BLM: variants seen among roughly 807,000 people sequenced by gnomAD.
BLM encodes BLM RecQ like helicase.
A neutral mutation model predicts 135.3 loss-of-function variants in BLM; 95 were observed. That is an observed-to-expected ratio of 0.70 (90% CI 0.59 to 0.83). BLM has a LOEUF of 0.83. BLM is among the 40% of genes least tolerant of loss of function. BLM has a pLI of 0.00. For synonymous variants in BLM, 520 were observed against 589.2 expected (o/e 0.88, Z 1.70); for missense variants, 1,518 against 1,663.9 (o/e 0.91, Z 1.53).
chr15:90,749,946 T>C lies in BLM; in HGVS notation c.678T>C (p.Asp226=), dbSNP rs1439891023. 1 of 1,614,176 alleles carries C rather than the reference T, an allele frequency of 6.2e-7. No homozygotes were observed. The highest frequency in any genetic ancestry group is 8.5e-7 in the Non-Finnish European group (1 of 1,179,988). Residue 226 remains aspartate, a synonymous_variant, in exon 3 of 22, where the codon GAT becomes GAC. Coordinates refer to ENST00000355112, the MANE Select transcript of BLM (RefSeq NM_000057.4). ...EQIDLTEEQK[D]DSEWLSSDVI... ...TAGATTTGACTGAGGAACAGAAGGA[T>C]GACTCAGAATGGTTAAGCAGCGATG...
At chr15:90,796,460 C>G (rs980310544) in intron 16 of BLM, among the ~76,000 whole-genome samples, 2 of 152,186 alleles carry the variant, frequency 1.3e-5, no homozygotes, top group African/African-American at 4.8e-5. Context: ...CACAACGACT[C>G]ACAGCTTTGC....
intron 12 of BLM, among the ~76,000 whole-genome samples, chr15:90,772,511 A>G (rs940705324): frequency 1.3e-5 from 2 of 152,182 alleles, no homozygotes; most frequent in East Asian, 3.8e-4. Context: ...CAAGGTAGGT[A>G]CTCCTATTTT....
At chr15:90,814,188 T>C (rs978588672) in intron 21 of BLM, among the ~76,000 whole-genome samples, 2 of 152,224 alleles carry the variant, frequency 1.3e-5, no homozygotes, top group Non-Finnish European at 2.9e-5. Context: ...GCTGTGGCCC[T>C]ATACCCTCAA....
At position 90,760,983 on chromosome 15, in the gene BLM, C is replaced by T. The variant is rs1555419928; in HGVS notation, c.1610C>T (p.Thr537Ile). 6.2e-7 allele frequency: 1 copy of T among 1,612,418 alleles called. No homozygotes were observed. Among genetic ancestry groups the T allele is most frequent in the South Asian group, 1.1e-5 (1 of 90,650 alleles). The change falls in exon 7 of 22, where the codon ACT (threonine) becomes ATT (isoleucine). Residue 537 changes from threonine to isoleucine, a missense_variant. This residue lies in a region of BLM where 724 missense variants were observed against 756.9 expected (regional missense o/e 0.96). Transcript: ENST00000355112. ...GCTGTGAAAGATCAGAATAAACATA[C>T]TGCTTCAATAAATGACTTAGAAAGA... is the stretch of plus-strand genomic sequence containing the variant. ...STAVKDQNKH[T>I]ASINDLERET...
intron 3 of BLM, 149 bp from the exon 4 acceptor site, chr15:90,751,638 A>G (rs1240122159): frequency 7.8e-6 from 5 of 644,476 alleles, no homozygotes; most frequent in Admixed American, 5.8e-5. Flanking sequence ...TAAATAAGCC[A>G]GCATTAGCAT....
chr15:90,766,822 TA>T, intron 9 of BLM, 87 bp from the exon 10 acceptor site: 2 of 828,054 alleles, frequency 2.4e-6, no homozygotes, highest in Middle Eastern at 2.7e-4. Flanking sequence ...GATATGTGAC[TA>T]ATAAAATATT....
intron 1 of BLM, among the ~76,000 whole-genome samples, chr15:90,739,880 C>T (rs1895319092): frequency 1.3e-5 from 2 of 152,148 alleles, no homozygotes; most frequent in African/African-American, 4.8e-5. Flanking sequence ...CCTCCCACCT[C>T]AGCTTCCCAA....
intron 1 of BLM, among the ~76,000 whole-genome samples, chr15:90,728,251 C>T (rs943939240): frequency 6.6e-6 from 1 of 152,106 alleles, no homozygotes; most frequent in Non-Finnish European, 1.5e-5. Flanking sequence ...GCCCAGGCTG[C>T]TCTCAAACTC....
chr15:90,789,987 GTTTTTTTTTTTTTTTTTTTT>G (rs61059865), intron 14 of BLM, among the ~76,000 whole-genome samples: 5 of 57,358 alleles, frequency 8.7e-5, no homozygotes, highest in African/African-American at 1.6e-4. Flanking sequence ...AGTCCCTGGT[GTTTTTTTTTTTTTTTTTTTT>G]TTTTTTTTTT....
intron 12 of BLM, among the ~76,000 whole-genome samples, chr15:90,775,552 C>G (rs1896453559): frequency 6.6e-6 from 1 of 151,092 alleles, no homozygotes; most frequent in African/African-American, 2.4e-5. Context: ...AAGTTTCACT[C>G]TTGTCGCCCA....
In BLM at chr15:90,767,020, A is replaced by G; in HGVS notation, c.2304A>G (p.Glu768=). The G allele has an allele frequency of 6.6e-7, 1 of 1,516,770 alleles. No homozygotes were observed. The highest frequency in any genetic ancestry group is 9.1e-7 in the Non-Finnish European group (1 of 1,095,386). 94.0% of individuals were successfully genotyped at this position (1,516,770 alleles called of 1,614,324 possible). ...PIIKLLYVTP[E]KICASNRLIS... is the part of the protein sequence containing the mutation. ...TAAAACTTCTATATGTCACTCCAGA[A>G]AAGGTTTGTATTTATATCATTATTT... The change falls in exon 10 of 22, where the codon GAA becomes GAG. Residue 768 remains glutamate, a synonymous_variant. Coordinates refer to ENST00000355112, the MANE Select transcript of BLM (RefSeq NM_000057.4).
At chr15:90,729,566 A>G (rs1369105288) in intron 1 of BLM, among the ~76,000 whole-genome samples, 6 of 152,160 alleles carry the variant, frequency 3.9e-5, no homozygotes, top group African/African-American at 1.2e-4. Flanking sequence ...TGAAGTTGCC[A>G]TCTTTCTGGT....
chr15:90,789,987 G>GTTTTTTTTTTGTTTTTTTTT (rs1896857678), intron 14 of BLM, among the ~76,000 whole-genome samples: 2 of 57,358 alleles, frequency 3.5e-5, no homozygotes, highest in African/African-American at 5.3e-5. Flanking sequence ...AGTCCCTGGT[G>GTTTTTTTTTTGTTTTTTTTT]TTTTTTTTTT....
chr15:90,782,219 C>T (rs552821950), intron 12 of BLM, among the ~76,000 whole-genome samples: 1 of 152,110 alleles, frequency 6.6e-6, no homozygotes, highest in Non-Finnish European at 1.5e-5. Flanking sequence ...GAAACTCTGT[C>T]TCTACTAAAA....
At chr15:90,797,606 C>G (rs902062953) in intron 16 of BLM, among the ~76,000 whole-genome samples, 7 of 151,948 alleles carry the variant, frequency 4.6e-5, no homozygotes, top group Admixed American at 1.3e-4. Context: ...GCTGCATACA[C>G]AGAAGCACCA....
At chr15:90,786,973 A>C (rs151212760) in intron 14 of BLM, among the ~76,000 whole-genome samples, 1,691 of 146,256 alleles carry the variant, frequency 0.012, 40 homozygotes, top group African/African-American at 0.041. Flanking sequence ...TCTGTTTCCG[A>C]GATGAGAAAT....
chr15:90,788,795 A>G (rs1896823760), intron 14 of BLM, among the ~76,000 whole-genome samples: 1 of 151,918 alleles, frequency 6.6e-6, no homozygotes, highest in Admixed American at 6.6e-5. Flanking sequence ...CAACATGGCG[A>G]AACCCCATCT....
At chr15:90,734,668 C>T (rs1895156378) in intron 1 of BLM, among the ~76,000 whole-genome samples, 1 of 140,406 alleles carries the variant, frequency 7.1e-6, no homozygotes, top group African/African-American at 2.9e-5. Context: ...CACACGCGCG[C>T]ACGCACGCAC....
intron 21 of BLM, 68 bp downstream of exon 21, chr15:90,811,474 G>A: frequency 6.7e-7 from 1 of 1,501,250 alleles, no homozygotes; most frequent in Non-Finnish European, 9.2e-7. Flanking sequence ...CAACAGCTCT[G>A]CCTTGCTTTG....
Sources: gnomAD v4.1 joint callset for allele counts (sites outside exome capture counted in the v4.1 genomes callset) on GRCh38, gnomAD v4.1.1 for gene constraint, gnomAD v4.1.1 regional missense constraint, MANE v1.5 for transcripts, NCBI Gene and HGNC (gene_info 2026-07-23, HGNC 2026-07-21) for gene names.